MMP17: variants seen among roughly 807,000 people sequenced by gnomAD.
MMP17 encodes the protein matrix metallopeptidase 17.
MMP17 carries 54 observed loss-of-function variants against 49.1 expected under a neutral mutation model. The observed-to-expected ratio is 1.10, with a 90% CI of 0.88 to 1.38. MMP17 has a LOEUF of 1.38. MMP17 is among the 40% of genes most tolerant of loss of function. The probability of loss-of-function intolerance (pLI) is 0.00; values close to 1 mark genes in which losing one functional copy is unlikely to be tolerated. For missense variants in MMP17, 837 were observed against 853.7 expected (o/e 0.98, Z 0.24); for synonymous variants, 397 against 383.1 (o/e 1.04, Z -0.42).
At chr12:131,847,641 G>T (rs943064773) in intron 8 of MMP17, among the ~76,000 whole-genome samples, 1 of 152,236 alleles carries the variant, frequency 6.6e-6, no homozygotes, top group Non-Finnish European at 1.5e-5. Context: ...GACCCGTCTG[G>T]CATCTCCTCC....
intron 1 of MMP17, among the ~76,000 whole-genome samples, chr12:131,834,829 C>T (rs1310792558): frequency 2.0e-5 from 3 of 152,190 alleles, no homozygotes; most frequent in Non-Finnish European, 4.4e-5. Context: ...GAATCAGCCG[C>T]CCCCTCCCAG....
At chr12:131,837,087 T>C (rs902814472) in intron 1 of MMP17, among the ~76,000 whole-genome samples, 2 of 152,302 alleles carry the variant, frequency 1.3e-5, no homozygotes, top group African/African-American at 4.8e-5. Flanking sequence ...GTGGGTAGCC[T>C]TGCACCCACC....
In MMP17 at chr12:131,844,536, C is replaced by T. The variant is rs181767815; in HGVS notation, c.968+455C>T. On this transcript the variant is annotated intron_variant, in intron 6 of 9. Transcript: ENST00000360564. The stretch of plus-strand genomic sequence containing the variant: ...TCCACGAGGCATGACCCTCCCACAG[C>T]AACTGGATTCCCAGTGAAGTTGTCT... The T allele has an allele frequency of 1.2e-4, 29 of 236,930 alleles. No homozygotes were observed. In the East Asian group the frequency reaches 3.1e-3, roughly 26 times the overall value. The allele number at this position is 236,930 out of a possible 1,614,324, so 14.7% of individuals were successfully genotyped here.
At chr12:131,836,467 T>C (rs1344180518) in intron 1 of MMP17, among the ~76,000 whole-genome samples, 18 of 134,238 alleles carry the variant, frequency 1.3e-4, no homozygotes, top group Admixed American at 5.3e-4. Flanking sequence ...ATTTTCTTTT[T>C]TCTTTTTCCT....
intron 5 of MMP17, among the ~76,000 whole-genome samples, chr12:131,843,215 C>T (rs1371189071): frequency 6.6e-6 from 1 of 151,798 alleles, no homozygotes; most frequent in African/African-American, 2.4e-5. Context: ...ATCCACCCAC[C>T]TCGGCCTCCC....
At chr12:131,838,170 C>A in intron 1 of MMP17, 25 bp from the exon 2 acceptor site, 1 of 1,598,174 alleles carries the variant, frequency 6.3e-7, no homozygotes, top group South Asian at 1.1e-5. Flanking sequence ...CTGTTGCACC[C>A]CCTCACCCTG....
intron 8 of MMP17, among the ~76,000 whole-genome samples, chr12:131,847,446 C>A (rs1241380193): frequency 2.0e-5 from 3 of 151,692 alleles, no homozygotes; most frequent in Non-Finnish European, 2.9e-5. Context: ...AAAGACAGTA[C>A]CTGGACTAAA....
Position 131,851,700 on chromosome 12 carries a change from AG to A in MMP17, c.*427del, listed in dbSNP as rs1355743339. On this transcript the variant is annotated 3_prime_UTR_variant, in exon 10 of 10. Coordinates refer to ENST00000360564, the MANE Select transcript of MMP17 (RefSeq NM_016155.7). ...AGTGGGGCAGCCCTCCCCACAGACG[AG>A]CCCCCCACATGGTGCCGCGGCACGT... 1 of 173,114 alleles carries A rather than the reference AG, an allele frequency of 5.8e-6. No individual in the cohort carries two copies. The highest frequency in any genetic ancestry group is 2.4e-5 in the African/African-American group (1 of 42,304). The allele number at this position is 173,114 out of a possible 1,614,324, so 10.7% of individuals were successfully genotyped here.
At chr12:131,834,231 G>A (rs1025478000) in intron 1 of MMP17, among the ~76,000 whole-genome samples, 2 of 152,208 alleles carry the variant, frequency 1.3e-5, no homozygotes, top group African/African-American at 4.8e-5. Context: ...GCCAGGGGGT[G>A]GCTGCCGTGG....
intron 5 of MMP17, among the ~76,000 whole-genome samples, chr12:131,842,401 C>T (rs1290380606): frequency 2.0e-5 from 3 of 152,252 alleles, no homozygotes; most frequent in African/African-American, 7.2e-5. Flanking sequence ...CCCTCCCGGC[C>T]TCAGCATCGT....
intron 6 of MMP17, chr12:131,844,427 T>G: frequency 2.9e-6 from 1 of 347,504 alleles, no homozygotes; most frequent in South Asian, 3.1e-5. Flanking sequence ...GTCTGGCCTG[T>G]GCCCCCAGCG....
At position 131,846,289 on chromosome 12, in the gene MMP17, C is replaced by A. The variant is rs889792161; in HGVS notation, c.1204+840C>A. ...TCCTGCCACCGCCTCTGTCTCCACC[C>A]GGCCGTCTCCTCCCCCATCTCCGCA... On this transcript the variant is annotated intron_variant, in intron 8 of 9. Coordinates refer to ENST00000360564, the MANE Select transcript of MMP17 (RefSeq NM_016155.7). The surrounding 1 kb of genome is among the most constrained non-coding windows in gnomAD (Gnocchi z 4.6). Among the ~76,000 whole-genome samples, 1 of 152,240 alleles carries A rather than the reference C, an allele frequency of 6.6e-6. No homozygotes were observed. Among genetic ancestry groups the A allele is most frequent in the Non-Finnish European group, 1.5e-5 (1 of 68,042 alleles).
rs1887745616 is a variant in MMP17, at chr12:131,847,153, C to T, written c.1204+1704C>T. Among the ~76,000 whole-genome samples the T allele has an allele frequency of 9.2e-5, 14 of 151,786 alleles. No homozygotes were observed. In the South Asian group the frequency reaches 2.9e-3, roughly 32 times the overall value. On this transcript the variant is annotated intron_variant, in intron 8 of 9. Coordinates refer to ENST00000360564, the MANE Select transcript of MMP17 (RefSeq NM_016155.7). ...AAATGTCACGCGCAGTGGCTCACGCCTGCAATCCCAGCATTTTGGGAGGCC... is the reference window on the plus strand; with the variant it reads ...AAATGTCACGCGCAGTGGCTCACGCTTGCAATCCCAGCATTTTGGGAGGCC...
chr12:131,847,083 C>T (rs1887739240), intron 8 of MMP17, among the ~76,000 whole-genome samples: 1 of 150,816 alleles, frequency 6.6e-6, no homozygotes, highest in Admixed American at 6.6e-5. Flanking sequence ...TGCACTCCAG[C>T]CTGGGCGACA....
At chr12:131,841,159 C>G (rs965799212) in intron 4 of MMP17, among the ~76,000 whole-genome samples, 2 of 152,242 alleles carry the variant, frequency 1.3e-5, no homozygotes, top group African/African-American at 4.8e-5. Flanking sequence ...GGCTCAGTGT[C>G]ACTCCCGCTA....
chr12:131,832,932 A>G (rs1886900914), intron 1 of MMP17, among the ~76,000 whole-genome samples: 1 of 151,290 alleles, frequency 6.6e-6, no homozygotes. Context: ...CATCACCTGG[A>G]CAGCTCCTTC....
intron 1 of MMP17, among the ~76,000 whole-genome samples, chr12:131,832,892 C>T (rs532964598): frequency 1.3e-5 from 2 of 152,226 alleles, no homozygotes; most frequent in East Asian, 1.9e-4. Flanking sequence ...GCTGTCCCCA[C>T]CACCGTGAGC....
intron 8 of MMP17, among the ~76,000 whole-genome samples, chr12:131,848,683 C>T (rs988936792): frequency 1.3e-5 from 2 of 152,186 alleles, no homozygotes; most frequent in Admixed American, 6.5e-5. Flanking sequence ...AGGATCTGCC[C>T]CTCTGTGCCT....
At chr12:131,830,503 G>T (rs926170669) in intron 1 of MMP17, among the ~76,000 whole-genome samples, 1 of 152,250 alleles carries the variant, frequency 6.6e-6, no homozygotes, top group Admixed American at 6.5e-5. Flanking sequence ...CTGGCGGTGC[G>T]GGGCGTCCTC....
Sources: allele counts gnomAD v4.1 joint callset (sites outside exome capture counted in the v4.1 genomes callset), GRCh38; gene constraint gnomAD v4.1.1; non-coding constraint Gnocchi (gnomAD v3.1); transcripts MANE v1.5; gene names NCBI Gene and HGNC (gene_info 2026-07-23, HGNC 2026-07-21).